LPP: variants seen among roughly 807,000 people sequenced by gnomAD.
LPP encodes the protein lipoma-preferred partner.
In LPP, 38 loss-of-function variants were observed where a neutral mutation model predicts 60.4. The ratio of observed to expected loss-of-function variants is 0.63; its 90% CI spans 0.49 to 0.83. The LOEUF is 0.83. LPP is among the 40% of genes least tolerant of loss of function. LPP has a pLI of 0.00. For missense variants in LPP, 902 were observed against 783.6 expected, an observed-to-expected ratio of 1.15 and a Z score of -1.80; for synonymous variants, 328 against 290.8, an observed-to-expected ratio of 1.13 and a Z score of -1.30.
At position 188,883,755 on chromosome 3, in the gene LPP, G is replaced by A. The variant is rs71633242; in HGVS notation, c.*9276G>A. 4,295 of 105,886 alleles carry A rather than the reference G, an allele frequency of 0.041. 185 individuals carry two copies. Among genetic ancestry groups the A allele is most frequent in the African/African-American group, 0.14 (3,680 of 26,042 alleles). The allele number at this position is 105,886 out of a possible 1,614,324, so 6.6% of individuals were successfully genotyped here. A position where few individuals can be genotyped will look rare whatever the true frequency, so the allele number is the denominator to read the frequency against. On this transcript the variant is annotated 3_prime_UTR_variant, in exon 12 of 12. Coordinates refer to ENST00000617246, the MANE Select transcript of LPP (RefSeq NM_001375462.1). ...CTCAAAAAAAAAAAAAAAAAAAAAA[G>A]GTTGGGAAATATTGGTGTATAATCC...
Position 188,888,741 on chromosome 3 carries a change from A to C in LPP, c.*14262A>C, listed in dbSNP as rs1770952659. 4 of 221,214 alleles carry C rather than the reference A, an allele frequency of 1.8e-5. No homozygotes were observed. In the East Asian group the frequency reaches 2.6e-4, roughly 15 times the overall value. 13.7% of individuals were successfully genotyped at this position (221,214 alleles called of 1,614,324 possible). ...ATCAGAAAGAGTAGGTGCTGAGATA[A>C]GGAAACTTTGCCAAATGAAAGAAAG... is the stretch of plus-strand genomic sequence containing the variant. On this transcript the variant is annotated 3_prime_UTR_variant, in exon 12 of 12. Transcript: ENST00000617246.
At chr3:188,823,747 T>C (rs911054267) in intron 9 of LPP, among the ~76,000 whole-genome samples, 1 of 152,160 alleles carries the variant, frequency 6.6e-6, no homozygotes, top group Non-Finnish European at 1.5e-5. Flanking sequence ...TTGGAGGTTT[T>C]TGCATAATTT....
intron 4 of LPP, chr3:188,472,515 G>A (rs961868282): frequency 5.3e-5 from 8 of 152,196 alleles, no homozygotes; most frequent in Admixed American, 3.9e-4. Flanking sequence ...GGTTGAAGGA[G>A]AGTGAGTAAT....
intron 9 of LPP, among the ~76,000 whole-genome samples, chr3:188,856,516 G>A (rs1357630899): frequency 6.6e-6 from 1 of 152,156 alleles, no homozygotes; most frequent in Non-Finnish European, 1.5e-5. Context: ...AGCGAAAAGA[G>A]CTTTATAACA....
intron 4 of LPP, among the ~76,000 whole-genome samples, chr3:188,483,703 A>C (rs1355170721): frequency 6.6e-6 from 1 of 152,132 alleles, no homozygotes; most frequent in African/African-American, 2.4e-5. Flanking sequence ...TCTTGTTGGT[A>C]AGAGATGCTA....
intron 4 of LPP, among the ~76,000 whole-genome samples, chr3:188,407,788 G>GTTTTTTTTTTTTTTTT (rs869082030): frequency 1.9e-5 from 2 of 107,594 alleles, no homozygotes; most frequent in African/African-American, 4.0e-5. Flanking sequence ...TTGTTTGTTT[G>GTTTTTTTTTTTTTTTT]TTTTTTTTTT....
chr3:188,322,843 A>C (rs1395684276), intron 2 of LPP, among the ~76,000 whole-genome samples: 1 of 152,236 alleles, frequency 6.6e-6, no homozygotes, highest in Non-Finnish European at 1.5e-5. Flanking sequence ...TGATATGTTA[A>C]TGTATGTGGG....
chr3:188,257,686 C>T (rs777907955), intron 2 of LPP, among the ~76,000 whole-genome samples: 3 of 152,144 alleles, frequency 2.0e-5, no homozygotes, highest in Admixed American at 6.5e-5. Context: ...TTTTTTTGCT[C>T]AGTAATCATA....
At chr3:188,666,773 T>A (rs374832862) in intron 7 of LPP, among the ~76,000 whole-genome samples, 3 of 152,174 alleles carry the variant, frequency 2.0e-5, no homozygotes, top group Admixed American at 6.5e-5. Flanking sequence ...CTCTGGGTGC[T>A]TACATTTCTG....
intron 6 of LPP, among the ~76,000 whole-genome samples, chr3:188,602,741 A>G (rs1841636055): frequency 6.7e-6 from 1 of 149,358 alleles, no homozygotes; most frequent in African/African-American, 2.5e-5. Context: ...AAAAAAAAAA[A>G]GGAGAAGAGT....
chr3:188,290,350 C>T (rs910894274), intron 2 of LPP, among the ~76,000 whole-genome samples: 1 of 152,118 alleles, frequency 6.6e-6, no homozygotes, highest in Non-Finnish European at 1.5e-5. Flanking sequence ...CATCCTACCA[C>T]ATAATATCAT....
intron 2 of LPP, among the ~76,000 whole-genome samples, chr3:188,330,486 A>G (rs2150500638): frequency 6.6e-6 from 1 of 152,238 alleles, no homozygotes; most frequent in East Asian, 1.9e-4. Flanking sequence ...TTTGTTTATT[A>G]GCTTTTTTCC....
In LPP at chr3:188,875,654, C is replaced by T. The variant is rs572815937; in HGVS notation, c.*1175C>T. On this transcript the variant is annotated 3_prime_UTR_variant, in exon 12 of 12. Transcript: ENST00000617246. ...AACTGAAATTACATATTGCAGGAGACATTTTCATATCATCAATGTGACATT... is the reference window on the plus strand; with the variant it reads ...AACTGAAATTACATATTGCAGGAGATATTTTCATATCATCAATGTGACATT... The T allele has an allele frequency of 7.4e-5, 15 of 203,544 alleles. No homozygotes were observed. The East Asian group carries it at 1.1e-3, about 16-fold the overall frequency. The allele number at this position is 203,544 out of a possible 1,614,324, so 12.6% of individuals were successfully genotyped here.
Position 188,839,389 on chromosome 3 carries a change from T to C in LPP, c.1411-26811T>C, listed in dbSNP as rs1390042251. Reference sequence around the variant, plus strand: ...GTCAACAAGGATAACTGATGTTTATTCTGTAGTTAGAGCCCCCAAGGCTTC... The same window carrying C: ...GTCAACAAGGATAACTGATGTTTATCCTGTAGTTAGAGCCCCCAAGGCTTC... On this transcript the variant is annotated intron_variant, in intron 9 of 11. Transcript: ENST00000617246. 3.3e-5 allele frequency among the ~76,000 whole-genome samples: 5 copies of C among 152,228 alleles called. No homozygotes were observed. In the East Asian group the frequency reaches 9.6e-4, roughly 29 times the overall value.
intron 7 of LPP, among the ~76,000 whole-genome samples, chr3:188,632,184 T>C (rs934008712): frequency 6.6e-6 from 1 of 152,214 alleles, no homozygotes; most frequent in African/African-American, 2.4e-5. Flanking sequence ...ATTTAGTGTA[T>C]ACTATATTCT....
intron 7 of LPP, among the ~76,000 whole-genome samples, chr3:188,636,319 A>G (rs1200441692): frequency 6.6e-6 from 1 of 151,994 alleles, no homozygotes; most frequent in Admixed American, 6.6e-5. Context: ...AAATCGGGTC[A>G]CTCCCACCCG....
At chr3:188,411,562 TTTCTA>T (rs1414400716) in intron 4 of LPP, among the ~76,000 whole-genome samples, 1 of 152,204 alleles carries the variant, frequency 6.6e-6, no homozygotes, top group Non-Finnish European at 1.5e-5. Flanking sequence ...GTTCCATCAC[TTTCTA>T]TTCTGTGTAA....
chr3:188,552,424 G>A (rs1828389831), intron 6 of LPP, among the ~76,000 whole-genome samples: 1 of 152,190 alleles, frequency 6.6e-6, no homozygotes, highest in African/African-American at 2.4e-5. Context: ...GAGAATAGGA[G>A]TGGGCCTAGT....
intron 3 of LPP, among the ~76,000 whole-genome samples, chr3:188,368,713 C>G (rs1229168100): frequency 8.5e-6 from 1 of 117,502 alleles, no homozygotes; most frequent in Non-Finnish European, 1.8e-5. Context: ...CACACACACA[C>G]ACACACAGAG....
Sources: gnomAD v4.1 joint callset for allele counts (sites outside exome capture counted in the v4.1 genomes callset) on GRCh38, gnomAD v4.1.1 for gene constraint, MANE v1.5 for transcripts, NCBI Gene and HGNC (gene_info 2026-07-23, HGNC 2026-07-21) for gene names.